MYDGF: variants seen among roughly 807,000 people sequenced by gnomAD.
MYDGF encodes the protein myeloid-derived growth factor.
MYDGF carries 29 observed loss-of-function variants against 24.2 expected under a neutral mutation model. The ratio of observed to expected loss-of-function variants is 1.20; its 90% CI spans 0.89 to 1.63. The LOEUF (loss-of-function observed/expected upper bound fraction) is 1.63, where lower values mean the gene tolerates loss of function less well. Among genes scored for constraint, MYDGF ranks in the 40% most tolerant of loss-of-function variants. The pLI, the probability that MYDGF is intolerant of heterozygous loss-of-function variation, is 0.00. For synonymous variants in MYDGF, 105 were observed against 102.5 expected, an observed-to-expected ratio of 1.02 and a Z score of -0.15; for missense variants, 245 against 234.8, an observed-to-expected ratio of 1.04 and a Z score of -0.29.
In MYDGF at chr19:4,668,817, G is replaced by A. The variant is rs1398879536; in HGVS notation, c.175-172C>T. On this transcript the variant is annotated intron_variant, in intron 1 of 5. Coordinates refer to ENST00000262947, the MANE Select transcript of MYDGF (RefSeq NM_019107.4). Reference sequence around the variant, plus strand: ...TTGCCTCAGCCTCTCAAGTAACTGAGACAATAGGTACGCAACCACCACACC... The same window carrying A: ...TTGCCTCAGCCTCTCAAGTAACTGAAACAATAGGTACGCAACCACCACACC... The A allele has an allele frequency of 1.1e-4, 58 of 535,482 alleles. No individual in the cohort carries two copies. The Admixed American group carries it at 1.8e-3, about 16-fold the overall frequency. 33.2% of individuals were successfully genotyped at this position (535,482 alleles called of 1,614,324 possible). A position where few individuals can be genotyped will look rare whatever the true frequency, so the allele number is the denominator to read the frequency against.
At position 4,658,180 on chromosome 19, in the gene MYDGF, C is replaced by T. The variant is rs866149220; in HGVS notation, c.443-96G>A. 5 of 1,023,122 alleles carry T rather than the reference C, an allele frequency of 4.9e-6. No individual in the cohort carries two copies. The Middle Eastern group carries it at 8.5e-4, about 174-fold the overall frequency. The allele number at this position is 1,023,122 out of a possible 1,614,324, so 63.4% of individuals were successfully genotyped here. A position where few individuals can be genotyped will look rare whatever the true frequency, so the allele number is the denominator to read the frequency against. On this transcript the variant is annotated intron_variant, in intron 5 of 5. Transcript: ENST00000262947. ...GGGCCCATGGTGGGGGCTAAGCAGGCAAGGGGAGCAGTCTCCAAAGCAGAC... is the reference window on the plus strand; with the variant it reads ...GGGCCCATGGTGGGGGCTAAGCAGGTAAGGGGAGCAGTCTCCAAAGCAGAC...
At chr19:4,659,565 T>G (rs577587149) in intron 5 of MYDGF, 12 of 423,184 alleles carry the variant, frequency 2.8e-5, no homozygotes, top group Non-Finnish European at 4.6e-5. Flanking sequence ...TCTCGCTATG[T>G]TGCCCAGGCT....
intron 2 of MYDGF, among the ~76,000 whole-genome samples, chr19:4,667,146 T>G (rs1194359256): frequency 7.8e-6 from 1 of 127,598 alleles, no homozygotes; most frequent in East Asian, 2.4e-4. Flanking sequence ...TTTTTTTTTT[T>G]GAGACAGAGT....
At chr19:4,659,719 A>T in intron 5 of MYDGF, 1 of 594,876 alleles carries the variant, frequency 1.7e-6, no homozygotes. Flanking sequence ...TGTCTGCAGC[A>T]GCTTTGTGCC....
chr19:4,666,248 C>A (rs984871214), intron 2 of MYDGF, among the ~76,000 whole-genome samples: 8 of 151,856 alleles, frequency 5.3e-5, no homozygotes, highest in African/African-American at 1.9e-4. Flanking sequence ...GAATGTAAAT[C>A]TACCATGATC....
Position 4,657,827 on chromosome 19 carries a change from T to G in MYDGF, c.*178A>C. On this transcript the variant is annotated 3_prime_UTR_variant, in exon 6 of 6. Transcript: ENST00000262947. ...AGCCAGGAGGGCCCTGGACCCTCTG[T>G]TCTCTGCCCCAGGGCTTCAGCCACC... 1.8e-6 allele frequency: 1 copy of G among 554,784 alleles called. No individual in the cohort carries two copies. Among genetic ancestry groups the G allele is most frequent in the Non-Finnish European group, 3.2e-6 (1 of 313,778 alleles). The allele number at this position is 554,784 out of a possible 1,614,324, so 34.4% of individuals were successfully genotyped here. A position where few individuals can be genotyped will look rare whatever the true frequency, so the allele number is the denominator to read the frequency against.
At chr19:4,665,904 A>AGATACCT (rs922029047) in intron 2 of MYDGF, among the ~76,000 whole-genome samples, 2 of 148,640 alleles carry the variant, frequency 1.3e-5, no homozygotes, top group Non-Finnish European at 1.5e-5. Context: ...AACTATCGTG[A>AGATACCT]GATACCTTTT....
chr19:4,662,006 C>T (rs535889367), intron 3 of MYDGF, among the ~76,000 whole-genome samples: 75 of 152,278 alleles, frequency 4.9e-4, no homozygotes, highest in African/African-American at 1.8e-3. Context: ...GACTACAGGG[C>T]GGCCTCTGCA....
At chr19:4,667,223 G>T (rs1371867105) in intron 2 of MYDGF, among the ~76,000 whole-genome samples, 1 of 150,406 alleles carries the variant, frequency 6.6e-6, no homozygotes, top group African/African-American at 2.5e-5. Context: ...CCGCCTCCCG[G>T]GTTCACGCCA....
chr19:4,670,320 G>C lies in MYDGF; in HGVS notation c.15C>G (p.Ser5Arg), dbSNP rs1015862696. ...TCGCGCCGACGCCGTTCCACCCTCC[G>C]CTGGGCGCCGCCATGTTGGACTAGG... Reference protein sequence around the residue: MAAPSGGWNGVGASL... With the variant: MAAPRGGWNGVGASL... Residue 5 changes from serine (S) to arginine (R), a missense_variant, in exon 1 of 6, where the codon AGC becomes AGG. Coordinates refer to ENST00000262947, the MANE Select transcript of MYDGF (RefSeq NM_019107.4). The C allele has an allele frequency of 5.5e-6, 8 of 1,462,580 alleles. No individual in the cohort carries two copies. In the Admixed American group the frequency reaches 1.9e-4, roughly 34 times the overall value. 90.6% of individuals were successfully genotyped at this position (1,462,580 alleles called of 1,614,324 possible).
chr19:4,660,129 G>C, intron 4 of MYDGF, 126 bp from the exon 5 acceptor site: 2 of 950,396 alleles, frequency 2.1e-6, no homozygotes, highest in Non-Finnish European at 1.6e-6. Flanking sequence ...ATGGAGAGGA[G>C]ACTTTTTTGT....
chr19:4,658,169 G>C, intron 5 of MYDGF, 85 bp from the exon 6 acceptor site: 1 of 1,186,344 alleles, frequency 8.4e-7, no homozygotes, highest in East Asian at 2.6e-5. Flanking sequence ...CCATGGTGGG[G>C]GCTAAGCAGG....
chr19:4,669,582 C>T (rs1179146527), intron 1 of MYDGF, among the ~76,000 whole-genome samples: 1 of 152,178 alleles, frequency 6.6e-6, no homozygotes, highest in Admixed American at 6.5e-5. Flanking sequence ...CCCGCCACTG[C>T]ACGCAAGTCT....
At chr19:4,666,940 C>T (rs897847652) in intron 2 of MYDGF, among the ~76,000 whole-genome samples, 8 of 152,000 alleles carry the variant, frequency 5.3e-5, no homozygotes, top group African/African-American at 1.9e-4. Flanking sequence ...AGCTCAAGGT[C>T]CTCTTCCAAG....
chr19:4,667,905 C>A (rs1213686071), intron 2 of MYDGF, among the ~76,000 whole-genome samples: 1 of 152,066 alleles, frequency 6.6e-6, no homozygotes, highest in African/African-American at 2.4e-5. Flanking sequence ...AGCCACCATG[C>A]CTTGCCTGTG....
rs780099603 is a variant in MYDGF, at chr19:4,668,663, A to G, written c.175-18T>C. On this transcript the variant is annotated intron_variant, in intron 1 of 5. Coordinates refer to ENST00000262947, the MANE Select transcript of MYDGF (RefSeq NM_019107.4). ...TATTTGTCCTAGAGAATGGAAGGAAAAAAAAGGTTTGGTAGAAGGAAATTT... is the reference window on the plus strand; with the variant it reads ...TATTTGTCCTAGAGAATGGAAGGAAGAAAAAGGTTTGGTAGAAGGAAATTT... 6.2e-7 allele frequency: 1 copy of G among 1,609,962 alleles called. No homozygotes were observed. Among genetic ancestry groups the G allele is most frequent in the Non-Finnish European group, 8.5e-7 (1 of 1,177,272 alleles).
intron 2 of MYDGF, 71 bp from the exon 3 acceptor site, chr19:4,665,008 T>C: frequency 6.6e-7 from 1 of 1,520,754 alleles, no homozygotes; most frequent in Non-Finnish European, 9.0e-7. Context: ...GGTGTGCCTC[T>C]GATTCTACAG....
At chr19:4,667,885 A>T (rs1423373403) in intron 2 of MYDGF, among the ~76,000 whole-genome samples, 1 of 151,554 alleles carries the variant, frequency 6.6e-6, no homozygotes, top group East Asian at 1.9e-4. Flanking sequence ...TTCTGTAGAG[A>T]TGGGGCATGA....
At chr19:4,668,718 G>A (rs1273594337) in intron 1 of MYDGF, 73 bp from the exon 2 acceptor site, 7 of 1,360,204 alleles carry the variant, frequency 5.1e-6, no homozygotes, top group Non-Finnish European at 7.3e-6. Flanking sequence ...GGGTCTTGCT[G>A]TCACCCAAGC....
Sources: gnomAD v4.1 joint callset for allele counts (sites outside exome capture counted in the v4.1 genomes callset) on GRCh38, gnomAD v4.1.1 for gene constraint, MANE v1.5 for transcripts, NCBI Gene and HGNC (gene_info 2026-07-23, HGNC 2026-07-21) for gene names.